The following LRRTM4 variants were observed in gnomAD, a reference collection of about 807,000 sequenced individuals.
LRRTM4 encodes the protein leucine-rich repeat transmembrane neuronal protein 4.
Under a neutral mutation model 47.6 loss-of-function variants are expected in LRRTM4, and 25 were observed. The observed-to-expected ratio is 0.53, with a 90% CI of 0.38 to 0.73. LRRTM4 has a LOEUF of 0.73. Among genes scored for constraint, LRRTM4 ranks in the 30% least tolerant of loss-of-function variants. The pLI is 0.00. For synonymous variants in LRRTM4, 311 were observed against 269.5 expected (o/e 1.15, Z -1.51); for missense variants, 638 against 713.4 (o/e 0.89, Z 1.20).
At chr2:76,999,462 C>T (rs1677333714) in intron 3 of LRRTM4, among the ~76,000 whole-genome samples, 1 of 149,134 alleles carries the variant, frequency 6.7e-6, no homozygotes, top group Non-Finnish European at 1.5e-5. Context: ...AAAAAAAAAG[C>T]GTTGGTGAGG....
chr2:77,219,951 C>A (rs1231188216), intron 3 of LRRTM4, among the ~76,000 whole-genome samples: 1 of 152,192 alleles, frequency 6.6e-6, no homozygotes, highest in African/African-American at 2.4e-5. Context: ...CTGGGAGGCA[C>A]CCCCCAGTAG....
chr2:76,960,833 G>C (rs1192585708), intron 3 of LRRTM4, among the ~76,000 whole-genome samples: 1 of 151,290 alleles, frequency 6.6e-6, no homozygotes, highest in South Asian at 2.1e-4. Context: ...AATTTAAAAT[G>C]AGAAATATAT....
At chr2:76,990,535 A>G (rs1345273934) in intron 3 of LRRTM4, among the ~76,000 whole-genome samples, 1 of 151,698 alleles carries the variant, frequency 6.6e-6, no homozygotes, top group Non-Finnish European at 1.5e-5. Context: ...AACCAACAAT[A>G]GTAAAAAAGG....
Position 77,055,999 on chromosome 2 carries a change from A to G in LRRTM4, c.1552-307083T>C, listed in dbSNP as rs1258642243. On this transcript the variant is annotated intron_variant, in intron 3 of 3. Coordinates refer to ENST00000409884, the MANE Select transcript of LRRTM4 (RefSeq NM_001134745.3). ...GGTGGGAATTGAACAATGAGAACAC[A>G]CGGACACAGGAAGGGGAACATCACA... Among the ~76,000 whole-genome samples the G allele has an allele frequency of 5.8e-5, 8 of 138,374 alleles. 1 individual carries two copies. The highest frequency in any genetic ancestry group is 5.7e-4 in the Admixed American group (7 of 12,246). 90.8% of individuals were successfully genotyped at this position (138,374 alleles called of 152,430 possible).
At chr2:77,442,082 G>C (rs1195611056) in intron 3 of LRRTM4, among the ~76,000 whole-genome samples, 2 of 152,142 alleles carry the variant, frequency 1.3e-5, no homozygotes, top group African/African-American at 4.8e-5. Context: ...TGTTGTCCCT[G>C]AGAACAGCAG....
chr2:77,107,145 TAAGAA>T, intron 3 of LRRTM4, among the ~76,000 whole-genome samples: 1 of 152,180 alleles, frequency 6.6e-6, no homozygotes, highest in Non-Finnish European at 1.5e-5. Context: ...AATTGGAAGT[TAAGAA>T]AAGACAATAG....
intron 3 of LRRTM4, among the ~76,000 whole-genome samples, chr2:76,964,658 A>C (rs1181406326): frequency 7.4e-6 from 1 of 134,670 alleles, no homozygotes; most frequent in African/African-American, 3.4e-5. Context: ...TTAATAATCT[A>C]ATCTTCCTTA....
intron 3 of LRRTM4, among the ~76,000 whole-genome samples, chr2:76,771,596 G>C (rs1412853856): frequency 6.7e-6 from 1 of 148,508 alleles, no homozygotes; most frequent in Non-Finnish European, 1.5e-5. Flanking sequence ...GCCTGAAGCA[G>C]CAAGAAGACT....
chr2:77,332,214 C>T lies in LRRTM4; in HGVS notation c.1551+186104G>A, dbSNP rs1003181213. Among the ~76,000 whole-genome samples, 3 of 152,128 alleles carry T rather than the reference C, an allele frequency of 2.0e-5. No homozygotes were observed. The East Asian group carries it at 5.8e-4, about 29-fold the overall frequency. On this transcript the variant is annotated intron_variant, in intron 3 of 3. Coordinates refer to ENST00000409884, the MANE Select transcript of LRRTM4 (RefSeq NM_001134745.3). ...AAACAACTTTTTTTAGGTTTACTTG[C>T]ACTCTTTCCTCCAACAGGACTTGGA...
chr2:77,043,586 AAG>A (rs146105824), intron 3 of LRRTM4, among the ~76,000 whole-genome samples: 1 of 151,792 alleles, frequency 6.6e-6, no homozygotes, highest in African/African-American at 2.4e-5. Flanking sequence ...TGCAAGAGAG[AAG>A]AGAGAGAAAG....
chr2:76,768,829 A>C (rs1673564304), intron 3 of LRRTM4, among the ~76,000 whole-genome samples: 1 of 152,090 alleles, frequency 6.6e-6, no homozygotes, highest in African/African-American at 2.4e-5. Flanking sequence ...TCCTGCATGA[A>C]ACCGGTAAAT....
At chr2:77,422,038 G>A (rs955793572) in intron 3 of LRRTM4, among the ~76,000 whole-genome samples, 5 of 152,062 alleles carry the variant, frequency 3.3e-5, no homozygotes, top group African/African-American at 1.2e-4. Context: ...AACCTATATC[G>A]TATAGCCTAT....
intron 3 of LRRTM4, among the ~76,000 whole-genome samples, chr2:76,892,616 T>G (rs150360313): frequency 1.3e-5 from 2 of 151,586 alleles, no homozygotes; most frequent in Non-Finnish European, 3.0e-5. Context: ...CAAGGAACCA[T>G]AGAATGAATG....
chr2:76,758,490 T>G (rs1017670525), intron 3 of LRRTM4, among the ~76,000 whole-genome samples: 5 of 152,132 alleles, frequency 3.3e-5, no homozygotes, highest in Non-Finnish European at 7.4e-5. Flanking sequence ...CTTGGAAGAC[T>G]GGCTGGTCTT....
intron 3 of LRRTM4, among the ~76,000 whole-genome samples, chr2:77,393,004 G>T (rs1573354263): frequency 6.6e-6 from 1 of 151,614 alleles, no homozygotes; most frequent in Non-Finnish European, 1.5e-5. Flanking sequence ...TTACTTTTCG[G>T]TTAAAAAAAG....
intron 3 of LRRTM4, among the ~76,000 whole-genome samples, chr2:77,305,022 A>G (rs931216689): frequency 6.6e-6 from 1 of 152,096 alleles, no homozygotes; most frequent in African/African-American, 2.4e-5. Context: ...TTAATTCATC[A>G]TAGAAGATCA....
intron 3 of LRRTM4, among the ~76,000 whole-genome samples, chr2:77,262,794 A>G (rs552421515): frequency 3.3e-4 from 50 of 152,172 alleles, no homozygotes; most frequent in African/African-American, 1.2e-3. Context: ...TGCGACTTAT[A>G]TAATAATGTA....
intron 3 of LRRTM4, among the ~76,000 whole-genome samples, chr2:77,098,624 C>T (rs57595972): frequency 6.6e-6 from 1 of 151,838 alleles, no homozygotes; most frequent in African/African-American, 2.4e-5. Context: ...AGAATACAAA[C>T]CACTAATTTA....
intron 3 of LRRTM4, among the ~76,000 whole-genome samples, chr2:76,804,478 T>C (rs1467422543): frequency 6.6e-6 from 1 of 151,834 alleles, no homozygotes; most frequent in Non-Finnish European, 1.5e-5. Flanking sequence ...TTATGACACA[T>C]CTAAGTATCA....
Sources: gnomAD v4.1 joint callset for allele counts (sites outside exome capture counted in the v4.1 genomes callset) on GRCh38, gnomAD v4.1.1 for gene constraint, MANE v1.5 for transcripts, NCBI Gene and HGNC (gene_info 2026-07-23, HGNC 2026-07-21) for gene names.